SLCO2A1: variants seen among roughly 807,000 people sequenced by gnomAD.
SLCO2A1 encodes matrin F/G 1.
A neutral mutation model predicts 71.7 loss-of-function variants in SLCO2A1; 60 were observed. The observed-to-expected ratio is 0.84, with a 90% CI of 0.68 to 1.04. SLCO2A1 has a LOEUF of 1.04. Ranked by LOEUF, SLCO2A1 falls within the 50% of genes least tolerant of loss-of-function variation. The probability of loss-of-function intolerance (pLI) is 0.00; values close to 1 mark genes in which losing one functional copy is unlikely to be tolerated. For synonymous variants in SLCO2A1, 308 were observed against 326.7 expected (o/e 0.94, Z 0.62); for missense variants, 745 against 813.4 (o/e 0.92, Z 1.02).
At chr3:133,954,877 G>A (rs1933841874) in intron 4 of SLCO2A1, 89 bp downstream of exon 4, 2 of 1,028,556 alleles carry the variant, frequency 1.9e-6, no homozygotes, top group Non-Finnish European at 2.9e-6. Flanking sequence ...CAAAGAGGGT[G>A]GGACCTCAGT....
At chr3:133,970,592 G>A (rs1462645897) in intron 3 of SLCO2A1, among the ~76,000 whole-genome samples, 1 of 152,218 alleles carries the variant, frequency 6.6e-6, no homozygotes, top group Non-Finnish European at 1.5e-5. Flanking sequence ...GGCACCGTGT[G>A]CAGCCCCAGC....
intron 1 of SLCO2A1, among the ~76,000 whole-genome samples, chr3:134,025,658 A>AT (rs1218381045): frequency 1.4e-4 from 22 of 152,282 alleles, no homozygotes; most frequent in African/African-American, 5.3e-4. Context: ...GGCCACTTCG[A>AT]TAAAAAAAAA....
At chr3:133,987,657 C>T (rs957769423) in intron 1 of SLCO2A1, among the ~76,000 whole-genome samples, 3 of 152,174 alleles carry the variant, frequency 2.0e-5, no homozygotes, top group South Asian at 4.1e-4. Context: ...GGCCCTGTCA[C>T]GGGCCATGGT....
intron 12 of SLCO2A1, among the ~76,000 whole-genome samples, chr3:133,936,534 C>G (rs933100225): frequency 6.6e-6 from 1 of 152,196 alleles, no homozygotes; most frequent in African/African-American, 2.4e-5. Context: ...TTGGCAGGGG[C>G]TATGCCTTCC....
chr3:134,023,946 C>T (rs1028548242), intron 1 of SLCO2A1, among the ~76,000 whole-genome samples: 65 of 152,182 alleles, frequency 4.3e-4, no homozygotes, highest in African/African-American at 1.5e-3. Flanking sequence ...TGGCACCCTG[C>T]GGGTCAGCCC....
intron 1 of SLCO2A1, among the ~76,000 whole-genome samples, chr3:134,013,758 A>C (rs550141227): frequency 6.6e-6 from 1 of 152,364 alleles, no homozygotes; most frequent in African/African-American, 2.4e-5. Flanking sequence ...AGGTTTGGAG[A>C]GAAATATGAC....
rs151265128 is a variant in SLCO2A1, at chr3:133,945,066, T to C, written c.1461+29A>G. On this transcript the variant is annotated intron_variant, in intron 10 of 13. Transcript: ENST00000310926. ...GAGCTCCGAGATCCTGTGGGGCTCC[T>C]CTTGCCTCTGGACCCTGGCTGCCCT... 2,033 of 1,593,746 alleles carry C rather than the reference T, an allele frequency of 1.3e-3. 3 individuals are homozygous for C. The highest frequency in any genetic ancestry group is 1.5e-3 in the Non-Finnish European group (1,720 of 1,171,694).
chr3:134,007,292 T>C (rs1475720884), intron 1 of SLCO2A1, among the ~76,000 whole-genome samples: 1 of 152,254 alleles, frequency 6.6e-6, no homozygotes, highest in African/African-American at 2.4e-5. Flanking sequence ...CTTGATTGTG[T>C]CACTTGATGC....
chr3:133,971,101 G>T (rs929194421), intron 3 of SLCO2A1, among the ~76,000 whole-genome samples: 1 of 152,218 alleles, frequency 6.6e-6, no homozygotes, highest in Admixed American at 6.5e-5. Flanking sequence ...AGCAGGCCAC[G>T]ATGTGTGGCG....
chr3:133,939,771 A>T (rs1933367947), intron 11 of SLCO2A1, among the ~76,000 whole-genome samples: 1 of 151,986 alleles, frequency 6.6e-6, no homozygotes. Context: ...TGGCCACCCC[A>T]ATTTGGCTTT....
At chr3:133,953,606 CTGGGGGCTGCT>C in intron 5 of SLCO2A1, 46 bp downstream of exon 5, 1 of 1,368,746 alleles carries the variant, frequency 7.3e-7, no homozygotes, top group Non-Finnish European at 1.0e-6. Flanking sequence ...GATGAGGGGG[CTGGGGGCTGCT>C]TTATTGAGCT....
intron 1 of SLCO2A1, among the ~76,000 whole-genome samples, chr3:134,011,165 C>T (rs1935334296): frequency 6.6e-6 from 1 of 152,210 alleles, no homozygotes; most frequent in African/African-American, 2.4e-5. Context: ...GCTCTCCTGC[C>T]TCAGCCTCCC....
intron 1 of SLCO2A1, among the ~76,000 whole-genome samples, chr3:133,989,375 C>T (rs1222578222): frequency 2.6e-5 from 4 of 152,158 alleles, no homozygotes; most frequent in Non-Finnish European, 4.4e-5. Context: ...ATGCCAAGGA[C>T]CTGGACAACT....
At chr3:133,950,225 C>T (rs776565942) in intron 6 of SLCO2A1, among the ~76,000 whole-genome samples, 15 of 152,136 alleles carry the variant, frequency 9.9e-5, no homozygotes, top group Admixed American at 2.0e-4. Context: ...TGATGTGTAG[C>T]CAACGTCTGA....
At chr3:133,936,151 G>A (rs991527799) in intron 12 of SLCO2A1, among the ~76,000 whole-genome samples, 2 of 152,226 alleles carry the variant, frequency 1.3e-5, no homozygotes, top group Non-Finnish European at 2.9e-5. Context: ...GGATCACCTT[G>A]ATGCCGGCTC....
intron 1 of SLCO2A1, among the ~76,000 whole-genome samples, chr3:134,021,613 G>C (rs1157685938): frequency 6.6e-6 from 1 of 151,754 alleles, no homozygotes; most frequent in African/African-American, 2.4e-5. Flanking sequence ...CAAAGAGAGA[G>C]GAAGAGACAG....
chr3:133,971,356 G>A (rs574887132), intron 3 of SLCO2A1, among the ~76,000 whole-genome samples: 15 of 152,350 alleles, frequency 9.8e-5, no homozygotes, highest in South Asian at 2.1e-4. Context: ...CCTGGGGCTC[G>A]GATCTTTCCT....
intron 1 of SLCO2A1, among the ~76,000 whole-genome samples, chr3:133,996,380 G>A (rs935400302): frequency 3.3e-5 from 5 of 152,322 alleles, no homozygotes; most frequent in East Asian, 3.9e-4. Flanking sequence ...GAAGCAGGGC[G>A]GGCAGGCTGC....
intron 1 of SLCO2A1, among the ~76,000 whole-genome samples, chr3:134,008,188 C>G (rs1935260047): frequency 6.6e-6 from 1 of 152,180 alleles, no homozygotes; most frequent in African/African-American, 2.4e-5. Context: ...TAAATATAAT[C>G]CAGTAATGTC....
Sources: gnomAD v4.1 joint callset for allele counts (sites outside exome capture counted in the v4.1 genomes callset) on GRCh38, gnomAD v4.1.1 for gene constraint, MANE v1.5 for transcripts, NCBI Gene and HGNC (gene_info 2026-07-23, HGNC 2026-07-21) for gene names.